The following PARP11 variants were observed in gnomAD, a reference collection of about 807,000 sequenced individuals.
PARP11 encodes the protein protein mono-ADP-ribosyltransferase PARP11.
A neutral mutation model predicts 42.9 loss-of-function variants in PARP11; 31 were observed. The observed-to-expected ratio is 0.72, with a 90% CI of 0.54 to 0.98. The LOEUF is 0.98. Ranked by LOEUF, PARP11 falls within the 50% of genes least tolerant of loss-of-function variation. The pLI is 0.00. For synonymous variants in PARP11, 137 were observed against 127.3 expected (o/e 1.08, Z -0.51); for missense variants, 365 against 413.1 (o/e 0.88, Z 1.01).
intron 1 of PARP11, among the ~76,000 whole-genome samples, chr12:3,864,890 G>T (rs1319623223): frequency 6.6e-6 from 1 of 152,044 alleles, no homozygotes; most frequent in Admixed American, 6.6e-5. Flanking sequence ...GTTTTCTGTT[G>T]TAGTGATTTC....
At chr12:3,841,285 C>G (rs888598983) in intron 1 of PARP11, 39 of 1,318,116 alleles carry the variant, frequency 3.0e-5, no homozygotes, top group Middle Eastern at 1.8e-4. Flanking sequence ...CTTCTTCAAT[C>G]TTGGTGTGAA....
intron 1 of PARP11, among the ~76,000 whole-genome samples, chr12:3,852,332 C>A (rs904601423): frequency 6.6e-6 from 1 of 152,140 alleles, no homozygotes; most frequent in African/African-American, 2.4e-5. Context: ...TAATAACAAA[C>A]TTCTCCGAGC....
chr12:3,843,534 T>C (rs1219839978), intron 1 of PARP11, among the ~76,000 whole-genome samples: 1 of 152,238 alleles, frequency 6.6e-6, no homozygotes, highest in Non-Finnish European at 1.5e-5. Context: ...TTGTCAGGGC[T>C]GGAACTATCG....
intron 2 of PARP11, 68 bp downstream of exon 2, chr12:3,829,822 A>T: frequency 6.7e-7 from 1 of 1,483,530 alleles, no homozygotes; most frequent in Admixed American, 1.8e-5. Flanking sequence ...TACTCATTTT[A>T]CATACATCAG....
In PARP11 at chr12:3,845,987, C is replaced by CACTGAGTACAAATAAT. The variant is rs1468785585; in HGVS notation, c.19-15985_19-15970dup. On this transcript the variant is annotated intron_variant, in intron 1 of 7. Coordinates refer to ENST00000228820, the MANE Select transcript of PARP11 (RefSeq NM_020367.6). ...TGTATGAAAAACGATAATAGCCTTACACTGAGTACAAATAATACTTTAAGA... is the reference window on the plus strand; with the variant it reads ...TGTATGAAAAACGATAATAGCCTTACACTGAGTACAAATAATACTGAGTACAAATAATACTTTAAGA... 2.6e-5 allele frequency among the ~76,000 whole-genome samples: 4 copies of CACTGAGTACAAATAAT among 152,164 alleles called. No individual in the cohort carries two copies. The East Asian group carries it at 7.7e-4, about 29-fold the overall frequency.
chr12:3,835,916 A>G (rs1032805283), intron 1 of PARP11, among the ~76,000 whole-genome samples: 1 of 152,178 alleles, frequency 6.6e-6, no homozygotes, highest in African/African-American at 2.4e-5. Context: ...CATTAAGTGC[A>G]CCAACATATA....
At chr12:3,825,495 G>A (rs1216146029) in intron 4 of PARP11, among the ~76,000 whole-genome samples, 1 of 152,132 alleles carries the variant, frequency 6.6e-6, no homozygotes, top group Non-Finnish European at 1.5e-5. Context: ...CCCAGTAATT[G>A]TATGGCTCTG....
intron 1 of PARP11, chr12:3,864,007 GGACA>G (rs147917931): frequency 0.058 from 8,772 of 152,226 alleles, 323 homozygotes; most frequent in East Asian, 0.18. Context: ...GGTGAGCAAA[GGACA>G]GTCATGGAAA....
In PARP11 at chr12:3,822,067, A is replaced by C. The variant is rs762367518; in HGVS notation, c.417+18T>G. The C allele has an allele frequency of 1.2e-6, 2 of 1,612,232 alleles. No individual in the cohort carries two copies. The highest frequency in any genetic ancestry group is 1.7e-6 in the Non-Finnish European group (2 of 1,179,182). On this transcript the variant is annotated intron_variant, in intron 5 of 7. Transcript: ENST00000228820. ...TCCGGTTTCTTTCATGGGTATATTC[A>C]GTCAATTCTGCTCTTACCTGATATG...
At position 3,809,468 on chromosome 12, in the gene PARP11, A is replaced by C. The variant is rs1947128296; in HGVS notation, c.*2655T>G. The C allele has an allele frequency of 6.6e-6, 1 of 152,192 alleles. No homozygotes were observed. Among genetic ancestry groups the C allele is most frequent in the African/African-American group, 2.4e-5 (1 of 41,442 alleles). 9.4% of individuals were successfully genotyped at this position (152,192 alleles called of 1,614,324 possible). ...CAGTGCATTCTACATATTTCATAGA[A>C]ACCAACTAGGTAAGTTCAGCGTTCG... is the stretch of plus-strand genomic sequence containing the variant. On this transcript the variant is annotated 3_prime_UTR_variant, in exon 8 of 8. Coordinates refer to ENST00000228820, the MANE Select transcript of PARP11 (RefSeq NM_020367.6).
chr12:3,857,733 C>A (rs896730273), intron 1 of PARP11, among the ~76,000 whole-genome samples: 8 of 152,046 alleles, frequency 5.3e-5, no homozygotes, highest in Non-Finnish European at 7.4e-5. Context: ...ATGCTTACTG[C>A]AGTGAAGCTA....
At chr12:3,866,260 T>A (rs1948387354) in intron 1 of PARP11, among the ~76,000 whole-genome samples, 1 of 152,142 alleles carries the variant, frequency 6.6e-6, no homozygotes, top group African/African-American at 2.4e-5. Flanking sequence ...TTGGTTTCTA[T>A]GACATGACAC....
chr12:3,838,785 C>G (rs1947818147), intron 1 of PARP11, among the ~76,000 whole-genome samples: 2 of 152,210 alleles, frequency 1.3e-5, no homozygotes, highest in South Asian at 4.1e-4. Flanking sequence ...CGCCCTCCAG[C>G]GTGGTGGGGA....
intron 1 of PARP11, among the ~76,000 whole-genome samples, chr12:3,834,784 G>C (rs1206490472): frequency 6.8e-6 from 1 of 147,948 alleles, no homozygotes; most frequent in South Asian, 2.2e-4. Context: ...AGCCCTCTTA[G>C]ATCAGAGAGG....
intron 1 of PARP11, chr12:3,872,612 G>C: frequency 1.0e-6 from 1 of 984,206 alleles, no homozygotes; most frequent in Non-Finnish European, 1.2e-6. Flanking sequence ...CATACTCCAA[G>C]TTTTAAACGA....
At chr12:3,823,662 T>A (rs1001044565) in intron 4 of PARP11, among the ~76,000 whole-genome samples, 2 of 152,180 alleles carry the variant, frequency 1.3e-5, no homozygotes, top group African/African-American at 2.4e-5. Flanking sequence ...ATGCCTATAA[T>A]CCCAACACTT....
chr12:3,841,380 A>G (rs1371309297), intron 1 of PARP11: 4 of 1,311,618 alleles, frequency 3.0e-6, no homozygotes, highest in Admixed American at 1.7e-5. Flanking sequence ...GGATGTACCC[A>G]AAGGTCCCTG....
rs142609402 is a variant in PARP11, at chr12:3,860,773, A to G, written c.18+12439T>C. 3.2e-3 allele frequency among the ~76,000 whole-genome samples: 493 copies of G among 152,290 alleles called. 6 individuals carry two copies. The highest frequency in any genetic ancestry group is 0.011 in the African/African-American group (460 of 41,566). ...CTCACTGCAACCTCGAACTCCTAGT[A>G]TCAAGTGATCCTTGTGCTTCAGCTT... On this transcript the variant is annotated intron_variant, in intron 1 of 7. Coordinates refer to ENST00000228820, the MANE Select transcript of PARP11 (RefSeq NM_020367.6).
chr12:3,816,975 A>C (rs1254478955), intron 6 of PARP11, among the ~76,000 whole-genome samples: 1 of 152,106 alleles, frequency 6.6e-6, no homozygotes, highest in East Asian at 1.9e-4. Flanking sequence ...GCGGATCACG[A>C]GGTCAGAAGA....
Sources: allele counts gnomAD v4.1 joint callset (sites outside exome capture counted in the v4.1 genomes callset), GRCh38; gene constraint gnomAD v4.1.1; transcripts MANE v1.5; gene names NCBI Gene and HGNC (gene_info 2026-07-23, HGNC 2026-07-21).